The following GPR132 variants were observed in gnomAD, a reference collection of about 807,000 sequenced individuals.
GPR132 encodes the protein probable G protein-coupled receptor 132.
Under a neutral mutation model 1.9 loss-of-function variants are expected in GPR132, and 4 were observed. That is an observed-to-expected ratio of 2.13 (90% CI 1.05 to 4.87). The LOEUF (loss-of-function observed/expected upper bound fraction) is 4.87, where lower values mean the gene tolerates loss of function less well. Among genes scored for constraint, GPR132 ranks in the 30% most tolerant of loss-of-function variants. The pLI, the probability that GPR132 is intolerant of heterozygous loss-of-function variation, is 0.01. For missense variants in GPR132, 404 were observed against 512.5 expected, an observed-to-expected ratio of 0.79 and a Z score of 2.04; for synonymous variants, 233 against 234.2, an observed-to-expected ratio of 0.99 and a Z score of 0.05.
Position 105,050,906 on chromosome 14 carries a change from G to A in GPR132, c.*88C>T, listed in dbSNP as rs1469092064. 2 of 1,209,158 alleles carry A rather than the reference G, an allele frequency of 1.7e-6. No homozygotes were observed. The highest frequency in any genetic ancestry group is 2.4e-6 in the Non-Finnish European group (2 of 844,614). 74.9% of individuals were successfully genotyped at this position (1,209,158 alleles called of 1,614,324 possible). Reference sequence around the variant, plus strand: ...TAGTTTGTCTTCCAGAGGGGACATGGGCACTGTGGCTGGTGGGCTCAGTGC... The same window carrying A: ...TAGTTTGTCTTCCAGAGGGGACATGAGCACTGTGGCTGGTGGGCTCAGTGC... On this transcript the variant is annotated 3_prime_UTR_variant, in exon 4 of 4. Coordinates refer to ENST00000329797, the MANE Select transcript of GPR132 (RefSeq NM_013345.4). This position sits in a 1 kb window ranked among gnomAD's most constrained non-coding sequence, Gnocchi z 4.0.
rs1886639480 is a variant in GPR132, at chr14:105,051,499, G to C, written c.638C>G (p.Ser213Cys). ...RFTVGFAIPL[S>C]IIAFTNHRIF... is the part of the protein sequence containing the mutation. ...CCGGTGGTTGGTGAAGGCGATGATG[G>C]AGAGAGGGATGGCAAAGCCAACGGT... The change falls in exon 4 of 4, where the codon TCC becomes TGC. Residue 213 changes from serine (S) to cysteine (C), a missense_variant. Ser to Cys is a moderately radical substitution (Grantham distance 112). Transcript: ENST00000329797. The surrounding 1 kb of genome is among the most constrained non-coding windows in gnomAD (Gnocchi z 8.0). 2 of 1,613,944 alleles carry C rather than the reference G, an allele frequency of 1.2e-6. No homozygotes were observed. The highest frequency in any genetic ancestry group is 1.7e-6 in the Non-Finnish European group (2 of 1,180,046).
intron 1 of GPR132, among the ~76,000 whole-genome samples, chr14:105,062,122 G>C (rs895921452): frequency 6.6e-6 from 1 of 152,208 alleles, no homozygotes; most frequent in South Asian, 2.1e-4. Context: ...GAGGTCCCTC[G>C]GATGACTCCA....
At chr14:105,061,462 T>C (rs1372831589) in intron 1 of GPR132, among the ~76,000 whole-genome samples, 2 of 152,196 alleles carry the variant, frequency 1.3e-5, no homozygotes, top group African/African-American at 4.8e-5. Flanking sequence ...GAGCTCAGGA[T>C]AGGGGCTCAG....
rs1886886971 is a variant in GPR132, at chr14:105,059,552, C to T, written c.-860-2272G>A. 6.6e-6 allele frequency among the ~76,000 whole-genome samples: 1 copy of T among 151,940 alleles called. No homozygotes were observed. Among genetic ancestry groups the T allele is most frequent in the African/African-American group, 2.4e-5 (1 of 41,370 alleles). On this transcript the variant is annotated intron_variant, in intron 1 of 3. Transcript: ENST00000329797. The surrounding 1 kb of genome is among the most constrained non-coding windows in gnomAD (Gnocchi z 4.2). ...GACTTATCAGAAACTGAAAACAATG[C>T]AACCATTTGTCTCTCGCCTACCTGT...
At position 105,051,434 on chromosome 14, in the gene GPR132, C is replaced by T. The variant is rs537929212; in HGVS notation, c.703G>A (p.Ala235Thr). The change falls in exon 4 of 4, where the codon GCC (alanine) becomes ACC (threonine). Residue 235 changes from alanine to threonine, a missense_variant. Transcript: ENST00000329797. The surrounding 1 kb of genome is among the most constrained non-coding windows in gnomAD (Gnocchi z 8.0). ...GAGTGCTTCACCTTGGCCTTCTGGG[C>T]AGCGCTTAAGCCCATGCTCTGCTTG... The part of the protein sequence containing the change: ...SIKQSMGLSA[A>T]QKAKVKHSAI... 2.5e-6 allele frequency: 4 copies of T among 1,614,134 alleles called. No homozygotes were observed. In the African/African-American group the frequency reaches 4.0e-5, roughly 16 times the overall value.
chr14:105,055,715 G>A lies in GPR132; in HGVS notation c.-295C>T. ...TTTCCCTTCCTTTCAAAGGCGGGAT[G>A]GTATTCCATTGTATTCAGTGTGTCC... On this transcript the variant is annotated 5_prime_UTR_variant, in exon 3 of 4. Coordinates refer to ENST00000329797, the MANE Select transcript of GPR132 (RefSeq NM_013345.4). The surrounding 1 kb of genome is among the most constrained non-coding windows in gnomAD (Gnocchi z 4.7). The A allele has an allele frequency of 2.0e-6, 1 of 497,598 alleles. No homozygotes were observed. Among genetic ancestry groups the A allele is most frequent in the Non-Finnish European group, 3.6e-6 (1 of 278,482 alleles). The allele number at this position is 497,598 out of a possible 1,614,324, so 30.8% of individuals were successfully genotyped here. A position where few individuals can be genotyped will look rare whatever the true frequency, so the allele number is the denominator to read the frequency against.
chr14:105,051,633 G>C lies in GPR132; in HGVS notation c.504C>G (p.Ile168Met). Residue 168 changes from isoleucine (I) to methionine (M), a missense_variant, in exon 4 of 4, where the codon ATC becomes ATG. Coordinates refer to ENST00000329797, the MANE Select transcript of GPR132 (RefSeq NM_013345.4). The surrounding 1 kb of genome is among the most constrained non-coding windows in gnomAD (Gnocchi z 8.0). ...CCGGGTAGTGAACGATCCCGACGAG[G>C]ATGAAGATGCAGGCGGAGATGAGGA... ...TAILISACIF[I>M]LVGIVHYPVF... 6.2e-7 allele frequency: 1 copy of C among 1,614,046 alleles called. No homozygotes were observed. The highest frequency in any genetic ancestry group is 8.5e-7 in the Non-Finnish European group (1 of 1,180,040).
chr14:105,064,273 G>T (rs1431345551), intron 1 of GPR132, among the ~76,000 whole-genome samples: 1 of 152,204 alleles, frequency 6.6e-6, no homozygotes, highest in Non-Finnish European at 1.5e-5. Flanking sequence ...ACAAACCCTA[G>T]GGAGGGAAAT....
At chr14:105,061,538 C>T (rs936479351) in intron 1 of GPR132, among the ~76,000 whole-genome samples, 1 of 152,216 alleles carries the variant, frequency 6.6e-6, no homozygotes, top group South Asian at 2.1e-4. Context: ...TGTCCTGGCC[C>T]GGGGCCAGGG....
rs1025400750 is a variant in GPR132, at chr14:105,065,429, C to T, written c.-911G>A. Reference sequence around the variant, plus strand: ...CTCGCACCCCTCCCTGCAGTCCTAGCTGAGGTTTCAGGAAGTAGCAGGGGT... The same window carrying T: ...CTCGCACCCCTCCCTGCAGTCCTAGTTGAGGTTTCAGGAAGTAGCAGGGGT... On this transcript the variant is annotated 5_prime_UTR_variant, in exon 1 of 4. Transcript: ENST00000329797. The T allele has an allele frequency of 2.0e-5, 3 of 152,304 alleles. No homozygotes were observed. Among genetic ancestry groups the T allele is most frequent in the Non-Finnish European group, 4.4e-5 (3 of 68,110 alleles). The allele number at this position is 152,304 out of a possible 1,614,324, so 9.4% of individuals were successfully genotyped here. A position where few individuals can be genotyped will look rare whatever the true frequency, so the allele number is the denominator to read the frequency against.
chr14:105,051,631 AGGATGAAGATGCAGGC>A lies in GPR132; in HGVS notation c.490_505del (p.Ala164SerfsTer64). On this transcript the variant is annotated frameshift_variant, in exon 4 of 4. Coordinates refer to ENST00000329797, the MANE Select transcript of GPR132 (RefSeq NM_013345.4). LOFTEE classifies it low-confidence loss of function (END_TRUNC). The surrounding 1 kb of genome is among the most constrained non-coding windows in gnomAD (Gnocchi z 8.0). ...CACCGGGTAGTGAACGATCCCGACG[AGGATGAAGATGCAGGC>A]GGAGATGAGGATGGCGGTCCTCCGG... 1.2e-6 allele frequency: 2 copies of A among 1,614,008 alleles called. No homozygotes were observed. Among genetic ancestry groups the A allele is most frequent in the Non-Finnish European group, 1.7e-6 (2 of 1,180,026 alleles).
At chr14:105,054,077 G>A (rs994010884) in intron 3 of GPR132, 1 of 1,288,602 alleles carries the variant, frequency 7.8e-7, no homozygotes, top group Admixed American at 2.3e-5. Context: ...CTCTGGCTGA[G>A]TTCATGCTTC....
chr14:105,054,824 G>A (rs1235023207), intron 3 of GPR132, among the ~76,000 whole-genome samples: 2 of 150,734 alleles, frequency 1.3e-5, no homozygotes, highest in East Asian at 4.0e-4. Flanking sequence ...GAGATCACTA[G>A]AGGTCAGGCG....
chr14:105,055,268 A>C lies in GPR132; in HGVS notation c.34+119T>G, dbSNP rs2043208303. ...CTTGAACCTGGGAGGCAGAAGCTGC[A>C]GTGAGCCGAGATTGTGCCACTGCAC... is the stretch of plus-strand genomic sequence containing the variant. On this transcript the variant is annotated intron_variant, in intron 3 of 3. Coordinates refer to ENST00000329797, the MANE Select transcript of GPR132 (RefSeq NM_013345.4). The surrounding 1 kb of genome is among the most constrained non-coding windows in gnomAD (Gnocchi z 4.7). The C allele has an allele frequency of 4.0e-6, 3 of 750,872 alleles. No individual in the cohort carries two copies. Among genetic ancestry groups the C allele is most frequent in the Middle Eastern group, 2.3e-4 (1 of 4,312 alleles). 46.5% of individuals were successfully genotyped at this position (750,872 alleles called of 1,614,324 possible).
Position 105,051,173 on chromosome 14 carries a change from T to C in GPR132, c.964A>G (p.Ile322Val). The C allele has an allele frequency of 6.2e-7, 1 of 1,614,158 alleles. No homozygotes were observed. Among genetic ancestry groups the C allele is most frequent in the African/African-American group, 1.3e-5 (1 of 75,032 alleles). ...TDHSRQEVSR[I>V]HKGWKEWSMK... ...GACCACTCTTTCCACCCCTTATGGA[T>C]TCTGGACACTTCTTGGCGGGAATGG... is the stretch of plus-strand genomic sequence containing the variant. Residue 322 changes from isoleucine to valine, a missense_variant, in exon 4 of 4, where the codon ATC (isoleucine) becomes GTC (valine). By Grantham distance (29) the Ile-to-Val change is conservative. Transcript: ENST00000329797. This position sits in a 1 kb window ranked among gnomAD's most constrained non-coding sequence, Gnocchi z 8.0.
rs144227939 is a variant in GPR132 at position 105,052,503 on chromosome 14, T to C, written c.35-401A>G. ...CCACCATGCCTGGCTAATTTTTGTA[T>C]TTTAGTAGAGACGGGGTTTCACCAT... On this transcript the variant is annotated intron_variant, in intron 3 of 3. Transcript: ENST00000329797. Among the ~76,000 whole-genome samples the C allele has an allele frequency of 3.1e-3, 477 of 151,868 alleles. 2 individuals carry two copies. Among genetic ancestry groups the C allele is most frequent in the African/African-American group, 0.01 (432 of 41,450 alleles).
At chr14:105,062,822 G>A (rs1886983860) in intron 1 of GPR132, among the ~76,000 whole-genome samples, 1 of 151,860 alleles carries the variant, frequency 6.6e-6, no homozygotes, top group African/African-American at 2.4e-5. Flanking sequence ...ATTACGGTGT[G>A]AGCCACTACG....
chr14:105,050,763 T>C lies in GPR132; in HGVS notation c.*231A>G, dbSNP rs1886611175. 1.1e-5 allele frequency: 6 copies of C among 566,760 alleles called. No individual in the cohort carries two copies. The Admixed American group carries it at 1.6e-4, about 15-fold the overall frequency. The allele number at this position is 566,760 out of a possible 1,614,324, so 35.1% of individuals were successfully genotyped here. A position where few individuals can be genotyped will look rare whatever the true frequency, so the allele number is the denominator to read the frequency against. On this transcript the variant is annotated 3_prime_UTR_variant, in exon 4 of 4. Transcript: ENST00000329797. This position sits in a 1 kb window ranked among gnomAD's most constrained non-coding sequence, Gnocchi z 4.0. Reference sequence around the variant, plus strand: ...AGGCCCCACTGCCTGCCACATGCTCTCTGGGCTCCCGGAAGCCTGGAGGTG... The same window carrying C: ...AGGCCCCACTGCCTGCCACATGCTCCCTGGGCTCCCGGAAGCCTGGAGGTG...
At position 105,055,756 on chromosome 14, in the gene GPR132, AAAATAT is replaced by A; in HGVS notation, c.-342_-337del. On this transcript the variant is annotated 5_prime_UTR_variant, in exon 3 of 4. Transcript: ENST00000329797. This position sits in a 1 kb window ranked among gnomAD's most constrained non-coding sequence, Gnocchi z 4.7. The stretch of plus-strand genomic sequence containing the variant: ...CAGTGTGTCCTCCAGGGTCTCGCCA[AAAATAT>A]AAATATATATATATATTCCACTGTG... 1 of 349,424 alleles carries A rather than the reference AAAATAT, an allele frequency of 2.9e-6. No homozygotes were observed. Among genetic ancestry groups the A allele is most frequent in the Non-Finnish European group, 5.2e-6 (1 of 191,436 alleles). The allele number at this position is 349,424 out of a possible 1,614,324, so 21.6% of individuals were successfully genotyped here.
Sources: allele counts gnomAD v4.1 joint callset (sites outside exome capture counted in the v4.1 genomes callset), GRCh38; gene constraint gnomAD v4.1.1; non-coding constraint Gnocchi (gnomAD v3.1); transcripts MANE v1.5; gene names NCBI Gene and HGNC (gene_info 2026-07-23, HGNC 2026-07-21).